The following TP53INP1 variants were observed in gnomAD, a reference collection of about 807,000 sequenced individuals.
TP53INP1 encodes the protein tumor protein p53-inducible nuclear protein 1.
Under a neutral mutation model 21.0 loss-of-function variants are expected in TP53INP1, and 12 were observed. The ratio of observed to expected loss-of-function variants is 0.57; its 90% CI spans 0.37 to 0.93. The LOEUF is 0.93. Among genes scored for constraint, TP53INP1 ranks in the 40% least tolerant of loss-of-function variants. The probability of loss-of-function intolerance (pLI) is 0.01; values close to 1 mark genes in which losing one functional copy is unlikely to be tolerated. For synonymous variants in TP53INP1, 91 were observed against 94.8 expected, an observed-to-expected ratio of 0.96 and a Z score of 0.23; for missense variants, 274 against 294.7, an observed-to-expected ratio of 0.93 and a Z score of 0.51.
At chr8:94,947,271 C>A (rs1264168602) in intron 1 of TP53INP1, among the ~76,000 whole-genome samples, 2 of 119,398 alleles carry the variant, frequency 1.7e-5, no homozygotes, top group African/African-American at 5.6e-5. Flanking sequence ...CAGTAGGCGG[C>A]TCCAAAAAAT....
At chr8:94,935,423 G>C (rs1190724544) in intron 3 of TP53INP1, among the ~76,000 whole-genome samples, 1 of 152,190 alleles carries the variant, frequency 6.6e-6, no homozygotes, top group African/African-American at 2.4e-5. Context: ...ATATTTCCTA[G>C]CTATATTCTC....
intron 3 of TP53INP1, among the ~76,000 whole-genome samples, chr8:94,938,879 G>A (rs1188127939): frequency 6.6e-6 from 1 of 152,244 alleles, no homozygotes; most frequent in African/African-American, 2.4e-5. Flanking sequence ...TTGGTCAGAA[G>A]CATAAGTAAA....
rs1820281823 is a variant in TP53INP1, at chr8:94,930,474, A to C, written c.*5T>G. ...AGAGAAACCAACCAACAAAACTTGA[A>C]ACTATTAGTAATTGTACTGACGCGG... On this transcript the variant is annotated 3_prime_UTR_variant, in exon 4 of 4. Transcript: ENST00000342697. The C allele has an allele frequency of 1.2e-6, 2 of 1,613,132 alleles. No homozygotes were observed. Among genetic ancestry groups the C allele is most frequent in the African/African-American group, 2.7e-5 (2 of 74,924 alleles).
In TP53INP1 at chr8:94,927,086, T is replaced by C. The variant is rs1038418466; in HGVS notation, c.*3393A>G. ...TCTCCCAGTACAAGGAGCAGTCTCT[T>C]GACTCAAAAAATGAAAACTAATATG... On this transcript the variant is annotated 3_prime_UTR_variant, in exon 4 of 4. Transcript: ENST00000342697. 1 of 152,582 alleles carries C rather than the reference T, an allele frequency of 6.6e-6. No homozygotes were observed. The highest frequency in any genetic ancestry group is 6.5e-5 in the Admixed American group (1 of 15,284). 9.5% of individuals were successfully genotyped at this position (152,582 alleles called of 1,614,324 possible).
At position 94,926,028 on chromosome 8, in the gene TP53INP1, GC is replaced by G. The variant is rs1456616786; in HGVS notation, c.*4450del. On this transcript the variant is annotated 3_prime_UTR_variant, in exon 4 of 4. Coordinates refer to ENST00000342697, the MANE Select transcript of TP53INP1 (RefSeq NM_033285.4). ...ATTGAAAACTGTAACTCCAGGTAGT[GC>G]AAAATGCACCACAACCCAATTACAA... The G allele has an allele frequency of 6.6e-6, 1 of 152,590 alleles. No homozygotes were observed. The highest frequency in any genetic ancestry group is 1.5e-5 in the Non-Finnish European group (1 of 68,030). 9.5% of individuals were successfully genotyped at this position (152,590 alleles called of 1,614,324 possible).
At chr8:94,940,630 A>G (rs1183578860) in intron 2 of TP53INP1, among the ~76,000 whole-genome samples, 200 bp downstream of exon 2, 1 of 152,198 alleles carries the variant, frequency 6.6e-6, no homozygotes, top group Non-Finnish European at 1.5e-5. Flanking sequence ...TGAGAGTTGC[A>G]AAACTAAAAA....
Position 94,941,092 on chromosome 8 carries a change from C to G in TP53INP1, c.-150-1G>C. The G allele has an allele frequency of 1.7e-6, 1 of 602,638 alleles. No homozygotes were observed. The highest frequency in any genetic ancestry group is 2.9e-6 in the Non-Finnish European group (1 of 342,806). The allele number at this position is 602,638 out of a possible 1,614,324, so 37.3% of individuals were successfully genotyped here. On this transcript the variant is annotated splice_acceptor_variant, in intron 1 of 3. Transcript: ENST00000342697. LOFTEE classifies it low-confidence loss of function (5UTR_SPLICE). ...TGAAAAGCAAGAAGAGTCATTGTAC[C>G]TAAAATAAAACAGAAAAAGGAAGTT... is the stretch of plus-strand genomic sequence containing the variant.
chr8:94,943,927 G>A (rs971223090), intron 1 of TP53INP1, among the ~76,000 whole-genome samples: 1 of 152,190 alleles, frequency 6.6e-6, no homozygotes, highest in Non-Finnish European at 1.5e-5. Context: ...CTCTATGTAA[G>A]AACAATCAGA....
Position 94,926,053 on chromosome 8 carries a change from A to G in TP53INP1, c.*4426T>C, listed in dbSNP as rs1198019306. ...GCAAAATGCACCACAACCCAATTACAAAGAACAGGTGTTAACACACAATGT... is the reference window on the plus strand; with the variant it reads ...GCAAAATGCACCACAACCCAATTACGAAGAACAGGTGTTAACACACAATGT... On this transcript the variant is annotated 3_prime_UTR_variant, in exon 4 of 4. Coordinates refer to ENST00000342697, the MANE Select transcript of TP53INP1 (RefSeq NM_033285.4). The G allele has an allele frequency of 6.5e-6, 1 of 152,698 alleles. No homozygotes were observed. Among genetic ancestry groups the G allele is most frequent in the African/African-American group, 2.4e-5 (1 of 41,466 alleles). The allele number at this position is 152,698 out of a possible 1,614,324, so 9.5% of individuals were successfully genotyped here.
At chr8:94,933,431 A>G (rs1309644211) in intron 3 of TP53INP1, among the ~76,000 whole-genome samples, 1 of 152,242 alleles carries the variant, frequency 6.6e-6, no homozygotes, top group Non-Finnish European at 1.5e-5. Flanking sequence ...CTACTGAAAC[A>G]AAATGGTGGA....
rs1245519148 is a variant in TP53INP1, at chr8:94,927,281, T to C, written c.*3198A>G. The C allele has an allele frequency of 6.6e-6, 1 of 152,536 alleles. No individual in the cohort carries two copies. The highest frequency in any genetic ancestry group is 2.4e-5 in the African/African-American group (1 of 41,442). 9.4% of individuals were successfully genotyped at this position (152,536 alleles called of 1,614,324 possible). A position where few individuals can be genotyped will look rare whatever the true frequency, so the allele number is the denominator to read the frequency against. On this transcript the variant is annotated 3_prime_UTR_variant, in exon 4 of 4. Transcript: ENST00000342697. The stretch of plus-strand genomic sequence containing the variant: ...TAAAGATAATATATAATGTATTTCA[T>C]TGAGGAGGAAGAGAAGTAGCAAGGA...
chr8:94,941,211 T>C (rs960571997), intron 1 of TP53INP1, 120 bp from the exon 2 acceptor site: 3 of 304,086 alleles, frequency 9.9e-6, no homozygotes, highest in African/African-American at 6.4e-5. Flanking sequence ...ATTCTACAGC[T>C]ATTCCCTTTC....
At position 94,940,234 on chromosome 8, in the gene TP53INP1, C is replaced by G; in HGVS notation, c.113-14G>C. On this transcript the variant is annotated splice_polypyrimidine_tract_variant and intron_variant, in intron 2 of 3. Transcript: ENST00000342697. ...CAGTGCAAGTATCTAGATCGTAGTCCACATTGCAGTCCACATGTGTTGTTG... is the reference window on the plus strand; with the variant it reads ...CAGTGCAAGTATCTAGATCGTAGTCGACATTGCAGTCCACATGTGTTGTTG... 1.3e-6 allele frequency: 2 copies of G among 1,592,158 alleles called. No homozygotes were observed. The highest frequency in any genetic ancestry group is 2.2e-5 in the East Asian group (1 of 44,720).
In TP53INP1 at chr8:94,949,187, G is replaced by A. The variant is rs1321952572; in HGVS notation, c.-184C>T. 6.6e-6 allele frequency: 1 copy of A among 150,718 alleles called. No homozygotes were observed. The highest frequency in any genetic ancestry group is 2.4e-5 in the African/African-American group (1 of 41,228). The allele number at this position is 150,718 out of a possible 1,614,324, so 9.3% of individuals were successfully genotyped here. The stretch of plus-strand genomic sequence containing the variant: ...GGGCCGTGCGGGGCTGCGCGGGGAA[G>A]GGAGCGGCCGCCGGCTCGGCGGGGA... On this transcript the variant is annotated 5_prime_UTR_variant, in exon 1 of 4. Coordinates refer to ENST00000342697, the MANE Select transcript of TP53INP1 (RefSeq NM_033285.4).
In TP53INP1 at chr8:94,940,812, TAACCA is replaced by T; in HGVS notation, c.112+13_112+17del. ...TTTACTGTGAAGATGAACCACCAAG[TAACCA>T]AGTGTACCTTACCTATGAAGTCAAC... On this transcript the variant is annotated intron_variant, in intron 2 of 3. Coordinates refer to ENST00000342697, the MANE Select transcript of TP53INP1 (RefSeq NM_033285.4). 1 of 1,578,822 alleles carries T rather than the reference TAACCA, an allele frequency of 6.3e-7. No individual in the cohort carries two copies. The highest frequency in any genetic ancestry group is 1.7e-5 in the Admixed American group (1 of 57,580).
chr8:94,940,076 T>G lies in TP53INP1; in HGVS notation c.257A>C (p.Gln86Pro), dbSNP rs1563730737. Residue 86 changes from glutamine (Q) to proline (P), a missense_variant, in exon 3 of 4, where the codon CAG becomes CCG. Gln to Pro is a moderately conservative substitution (Grantham distance 76, BLOSUM62 -1). Transcript: ENST00000342697. Reference sequence around the variant, plus strand: ...CTCCTCCATTGGACATGACTCAAACTGGAGAAAGCAGGAATCACTTGTATC... The same window carrying G: ...CTCCTCCATTGGACATGACTCAAACGGGAGAAAGCAGGAATCACTTGTATC... ...LADTSDSCFL[Q>P]FESCPMEESW... 6.2e-7 allele frequency: 1 copy of G among 1,614,170 alleles called. No homozygotes were observed. The highest frequency in any genetic ancestry group is 8.5e-7 in the Non-Finnish European group (1 of 1,180,028).
chr8:94,942,373 AACC>A (rs1319623318), intron 1 of TP53INP1, among the ~76,000 whole-genome samples: 5 of 151,598 alleles, frequency 3.3e-5, no homozygotes, highest in Non-Finnish European at 7.4e-5. Flanking sequence ...CCCTCATCCC[AACC>A]ACCAAGTCCC....
At position 94,929,487 on chromosome 8, in the gene TP53INP1, C is replaced by T. The variant is rs1370386034; in HGVS notation, c.*992G>A. The T allele has an allele frequency of 2.0e-5, 3 of 152,004 alleles. No individual in the cohort carries two copies. Among genetic ancestry groups the T allele is most frequent in the Non-Finnish European group, 4.4e-5 (3 of 68,024 alleles). The allele number at this position is 152,004 out of a possible 1,614,324, so 9.4% of individuals were successfully genotyped here. On this transcript the variant is annotated 3_prime_UTR_variant, in exon 4 of 4. Coordinates refer to ENST00000342697, the MANE Select transcript of TP53INP1 (RefSeq NM_033285.4). ...ACTCAGATGCCATGAAAGACATCAT[C>T]ACCAGACAGTCCCCACACTCTTGCC...
At chr8:94,947,860 G>A (rs1822155995) in intron 1 of TP53INP1, among the ~76,000 whole-genome samples, 1 of 152,216 alleles carries the variant, frequency 6.6e-6, no homozygotes, top group Non-Finnish European at 1.5e-5. Context: ...CCAGGCAGGG[G>A]CCTTTTAAAA....
Sources: allele counts gnomAD v4.1 joint callset (sites outside exome capture counted in the v4.1 genomes callset), GRCh38; gene constraint gnomAD v4.1.1; transcripts MANE v1.5; gene names NCBI Gene and HGNC (gene_info 2026-07-23, HGNC 2026-07-21).